LPAR1: variants seen among roughly 807,000 people sequenced by gnomAD.
The protein encoded by LPAR1 is LPA receptor 1.
A neutral mutation model predicts 23.8 loss-of-function variants in LPAR1; 5 were observed. That is an observed-to-expected ratio of 0.21 (90% CI 0.11 to 0.44). The LOEUF (loss-of-function observed/expected upper bound fraction) is 0.44, where lower values mean the gene tolerates loss of function less well. Among genes scored for constraint, LPAR1 ranks in the 20% least tolerant of loss-of-function variants. The probability of loss-of-function intolerance (pLI) is 0.99; values close to 1 mark genes in which losing one functional copy is unlikely to be tolerated. For missense variants in LPAR1, 311 were observed against 482.8 expected (o/e 0.64, Z 3.33); for synonymous variants, 160 against 164.7 (o/e 0.97, Z 0.22).
chr9:110,946,258 T>A (rs910599944), intron 4 of LPAR1, among the ~76,000 whole-genome samples: 3 of 151,888 alleles, frequency 2.0e-5, no homozygotes, highest in African/African-American at 7.3e-5. Flanking sequence ...CAAGAAAGAT[T>A]AGAAGGAACC....
chr9:110,906,975 A>C (rs12351440), intron 5 of LPAR1, among the ~76,000 whole-genome samples: 2,310 of 141,246 alleles, frequency 0.016, 44 homozygotes, highest in African/African-American at 0.053. Context: ...CTGTAACTTA[A>C]AAAATCTAGA....
chr9:111,019,878 GA>G (rs1397548644), intron 2 of LPAR1, among the ~76,000 whole-genome samples: 2 of 152,054 alleles, frequency 1.3e-5, no homozygotes, highest in Non-Finnish European at 2.9e-5. Flanking sequence ...TGGCTTAAAT[GA>G]AAAAAATTTA....
chr9:110,993,161 C>T (rs985112823), intron 2 of LPAR1, among the ~76,000 whole-genome samples: 3 of 151,942 alleles, frequency 2.0e-5, no homozygotes, highest in African/African-American at 7.3e-5. Flanking sequence ...TTCTAGGGTA[C>T]ATGTGCACCA....
intron 2 of LPAR1, among the ~76,000 whole-genome samples, chr9:111,032,543 G>T (rs570944285): frequency 6.6e-6 from 1 of 152,082 alleles, no homozygotes; most frequent in East Asian, 1.9e-4. Flanking sequence ...CCTGAGATGG[G>T]GGGAAAAAAA....
intron 5 of LPAR1, among the ~76,000 whole-genome samples, chr9:110,924,924 A>G (rs2093900787): frequency 6.6e-6 from 1 of 152,036 alleles, no homozygotes; most frequent in Non-Finnish European, 1.5e-5. Flanking sequence ...ATAATTATCT[A>G]TGTATATGTG....
At chr9:110,896,945 G>A (rs1036901702) in intron 5 of LPAR1, among the ~76,000 whole-genome samples, 5 of 151,958 alleles carry the variant, frequency 3.3e-5, no homozygotes, top group East Asian at 1.9e-4. Context: ...CTGCCACCAC[G>A]CCTGGCTAAT....
chr9:110,982,739 T>C (rs1230764037), intron 2 of LPAR1, among the ~76,000 whole-genome samples: 2 of 151,850 alleles, frequency 1.3e-5, no homozygotes, highest in Non-Finnish European at 2.9e-5. Context: ...AGAAGTTACT[T>C]AGCAATAAAA....
chr9:111,035,524 C>G (rs2097877832), intron 2 of LPAR1, among the ~76,000 whole-genome samples: 1 of 151,882 alleles, frequency 6.6e-6, no homozygotes, highest in Non-Finnish European at 1.5e-5. Flanking sequence ...ACACCTGGCC[C>G]GGGATATTTA....
At chr9:110,976,806 A>G (rs1178701898) in intron 2 of LPAR1, among the ~76,000 whole-genome samples, 1 of 152,178 alleles carries the variant, frequency 6.6e-6, no homozygotes, top group African/African-American at 2.4e-5. Flanking sequence ...CTCACCTGCA[A>G]AAGATGAGCT....
chr9:110,893,867 C>T (rs1379602333), intron 5 of LPAR1, among the ~76,000 whole-genome samples: 1 of 152,132 alleles, frequency 6.6e-6, no homozygotes, highest in Non-Finnish European at 1.5e-5. Flanking sequence ...TGATGTTCAT[C>T]TACTATGCTC....
intron 2 of LPAR1, among the ~76,000 whole-genome samples, chr9:111,015,790 A>C (rs1290136137): frequency 6.6e-6 from 1 of 151,996 alleles, no homozygotes; most frequent in East Asian, 1.9e-4. Context: ...TTAAAAAGCT[A>C]TTCTAGTCCC....
chr9:111,020,518 G>T (rs925612083), intron 2 of LPAR1, among the ~76,000 whole-genome samples: 3 of 152,066 alleles, frequency 2.0e-5, no homozygotes, highest in African/African-American at 7.2e-5. Flanking sequence ...TTAGACTTTT[G>T]TCTACACCAC....
intron 5 of LPAR1, among the ~76,000 whole-genome samples, chr9:110,933,051 A>G (rs1448028505): frequency 6.6e-6 from 1 of 152,244 alleles, no homozygotes; most frequent in Non-Finnish European, 1.5e-5. Context: ...CTGAAGAGTC[A>G]GCAGATCAGA....
intron 5 of LPAR1, among the ~76,000 whole-genome samples, chr9:110,883,042 T>G (rs1299353990): frequency 6.6e-6 from 1 of 152,188 alleles, no homozygotes; most frequent in Non-Finnish European, 1.5e-5. Context: ...ATCTTGAATT[T>G]TATTTTATTT....
At chr9:110,998,301 T>C (rs1463833992) in intron 2 of LPAR1, among the ~76,000 whole-genome samples, 1 of 152,244 alleles carries the variant, frequency 6.6e-6, no homozygotes, top group African/African-American at 2.4e-5. Context: ...TAAGTGCTTT[T>C]AATACCTGGC....
At chr9:110,893,637 G>C (rs909338946) in intron 5 of LPAR1, among the ~76,000 whole-genome samples, 1 of 152,124 alleles carries the variant, frequency 6.6e-6, no homozygotes, top group Non-Finnish European at 1.5e-5. Context: ...CATTGTTTTT[G>C]TAACTTTTTT....
At chr9:110,984,943 T>TA (rs1034171373) in intron 2 of LPAR1, among the ~76,000 whole-genome samples, 20 of 152,154 alleles carry the variant, frequency 1.3e-4, no homozygotes, top group Middle Eastern at 3.4e-3. Flanking sequence ...CTAAAGTTGA[T>TA]AAAATCAGAA....
At position 111,008,244 on chromosome 9, in the gene LPAR1, A is replaced by G. The variant is rs75379399; in HGVS notation, c.-182+27878T>C. 6.6e-3 allele frequency among the ~76,000 whole-genome samples: 1,011 copies of G among 152,258 alleles called. 13 individuals are homozygous for G. The highest frequency in any genetic ancestry group is 0.023 in the African/African-American group (945 of 41,542). On this transcript the variant is annotated intron_variant, in intron 2 of 5. Coordinates refer to ENST00000683809, the MANE Select transcript of LPAR1 (RefSeq NM_001351411.2). ...TATGTCCTGCTATTTTAAAAGTCAC[A>G]CTATAGACGTCTTTTCCCAGAATAC...
At chr9:111,024,437 AATTTTTATAT>A (rs1009379997) in intron 2 of LPAR1, among the ~76,000 whole-genome samples, 9 of 147,380 alleles carry the variant, frequency 6.1e-5, no homozygotes, top group East Asian at 1.9e-4. Context: ...ATACATATAT[AATTTTTATAT>A]ATTTTTATAT....
Sources: allele counts gnomAD v4.1 joint callset (sites outside exome capture counted in the v4.1 genomes callset), GRCh38; gene constraint gnomAD v4.1.1; transcripts MANE v1.5; gene names NCBI Gene and HGNC (gene_info 2026-07-23, HGNC 2026-07-21).